ARFGEF3: variants seen among roughly 807,000 people sequenced by gnomAD.
ARFGEF3 encodes brefeldin A-inhibited guanine nucleotide-exchange protein 3.
A neutral mutation model predicts 221.7 loss-of-function variants in ARFGEF3; 96 were observed. That is an observed-to-expected ratio of 0.43 (90% confidence interval 0.37 to 0.51). The LOEUF is 0.51. Among genes scored for constraint, ARFGEF3 ranks in the 20% least tolerant of loss-of-function variants. ARFGEF3 has a pLI of 0.00. For missense variants in ARFGEF3, 2,410 were observed against 2,789.9 expected (o/e 0.86, Z 3.07); for synonymous variants, 1,145 against 1,126.8 (o/e 1.02, Z -0.32).
In ARFGEF3 at chr6:138,335,104, G is replaced by A; in HGVS notation, c.6258G>A (p.Leu2086=). ...MRHSFSAGPE[L]LRQDKRPRSG... is the part of the protein sequence containing the mutation. ...ATTCCTTCAGCGCAGGCCCCGAGCT[G>A]CTGCGACAGGACAAGAGGCCCCGCT... Residue 2086 remains leucine (L), a synonymous_variant, in exon 33 of 34, where the codon CTG becomes CTA. Coordinates refer to ENST00000251691, the MANE Select transcript of ARFGEF3 (RefSeq NM_020340.5). 1 of 1,601,598 alleles carries A rather than the reference G, an allele frequency of 6.2e-7. No individual in the cohort carries two copies. Among genetic ancestry groups the A allele is most frequent in the Non-Finnish European group, 8.5e-7 (1 of 1,175,080 alleles).
rs1255781536 is a variant in ARFGEF3, at chr6:138,337,104, A to G, written c.*618A>G. ...CATTAAGATTTTCAGGTATTCACCA[A>G]TTTCCCCATGTAAGGTACTGTGTTG... On this transcript the variant is annotated 3_prime_UTR_variant, in exon 34 of 34. Coordinates refer to ENST00000251691, the MANE Select transcript of ARFGEF3 (RefSeq NM_020340.5). The G allele has an allele frequency of 1.3e-5, 2 of 152,648 alleles. No individual in the cohort carries two copies. Among genetic ancestry groups the G allele is most frequent in the Admixed American group, 6.5e-5 (1 of 15,290 alleles). 9.5% of individuals were successfully genotyped at this position (152,648 alleles called of 1,614,324 possible).
Position 138,286,879 on chromosome 6 carries a change from C to T in ARFGEF3, c.2748C>T (p.Asp916=), listed in dbSNP as rs369991127. 215 of 1,613,418 alleles carry T rather than the reference C, an allele frequency of 1.3e-4. No homozygotes were observed. The highest frequency in any genetic ancestry group is 1.7e-4 in the Non-Finnish European group (196 of 1,179,914). The change falls in exon 16 of 34, where the codon GAC becomes GAT. Residue 916 remains aspartate, a synonymous_variant. Coordinates refer to ENST00000251691, the MANE Select transcript of ARFGEF3 (RefSeq NM_020340.5). ...GGGACGCCATCTGCATGAGCCTCGACGGGCTGCGGAAAGCCGCACGGCTGA... is the reference window on the plus strand; with the variant it reads ...GGGACGCCATCTGCATGAGCCTCGATGGGCTGCGGAAAGCCGCACGGCTGA... ...KERDAICMSL[D]GLRKAARLSC... is the part of the protein sequence containing the mutation.
rs1562343244 is a variant in ARFGEF3, at chr6:138,177,089, ATT to A, written c.137+6378_137+6379del. ...TATTTATTTATTTATTTATTTATTT[ATT>A]TATTTATATTTTTTTTGAGACACGG... On this transcript the variant is annotated intron_variant, in intron 2 of 33. Transcript: ENST00000251691. Among the ~76,000 whole-genome samples the A allele has an allele frequency of 5.6e-3, 783 of 139,030 alleles. 7 individuals carry two copies. The highest frequency in any genetic ancestry group is 0.021 in the African/African-American group (719 of 34,490). 91.2% of individuals were successfully genotyped at this position (139,030 alleles called of 152,430 possible).
intron 22 of ARFGEF3, among the ~76,000 whole-genome samples, chr6:138,303,692 C>T (rs1417113881): frequency 6.6e-6 from 1 of 151,586 alleles, no homozygotes; most frequent in African/African-American, 2.4e-5. Flanking sequence ...GTCCCAGCTA[C>T]TCGGGAAGCT....
At chr6:138,238,394 C>A in intron 5 of ARFGEF3, 115 bp from the exon 6 acceptor site, 2 of 1,093,672 alleles carry the variant, frequency 1.8e-6, no homozygotes, top group Non-Finnish European at 2.6e-6. Context: ...AGTCCTAAAT[C>A]AGGCTGACTT....
At chr6:138,307,984 C>A (rs1779757342) in intron 23 of ARFGEF3, among the ~76,000 whole-genome samples, 1 of 152,204 alleles carries the variant, frequency 6.6e-6, no homozygotes, top group Non-Finnish European at 1.5e-5. Context: ...AGAATCTATG[C>A]ACCAGCTTCC....
chr6:138,186,224 AAAT>A (rs956176297), intron 2 of ARFGEF3, among the ~76,000 whole-genome samples: 6 of 152,218 alleles, frequency 3.9e-5, no homozygotes, highest in Non-Finnish European at 8.8e-5. Context: ...TCTTCTCTGG[AAAT>A]AGGCCTTAGT....
rs141315449 is a variant in ARFGEF3 at position 138,318,346 on chromosome 6, C to G, written c.4474+967C>G. ...TTTAATCCACTTTTGTTCCTAGGAG[C>G]CTGTCATCTAAGGAAATTATCAATA... On this transcript the variant is annotated intron_variant, in intron 27 of 33. Coordinates refer to ENST00000251691, the MANE Select transcript of ARFGEF3 (RefSeq NM_020340.5). Among the ~76,000 whole-genome samples, 34 of 152,092 alleles carry G rather than the reference C, an allele frequency of 2.2e-4. 1 individual carries two copies. In the East Asian group the frequency reaches 6.2e-3, roughly 28 times the overall value.
chr6:138,188,371 G>A (rs1777232531), intron 2 of ARFGEF3, among the ~76,000 whole-genome samples: 1 of 152,162 alleles, frequency 6.6e-6, no homozygotes, highest in Non-Finnish European at 1.5e-5. Context: ...CCTCGGCTGG[G>A]ATAGTTGTCA....
At chr6:138,277,113 T>C (rs529758118) in intron 12 of ARFGEF3, among the ~76,000 whole-genome samples, 91 of 152,328 alleles carry the variant, frequency 6.0e-4, no homozygotes, top group Non-Finnish European at 1.1e-3. Context: ...CCAGAACTTT[T>C]TTAACATTCC....
chr6:138,224,453 G>C (rs1778042752), intron 4 of ARFGEF3, among the ~76,000 whole-genome samples: 1 of 152,116 alleles, frequency 6.6e-6, no homozygotes, highest in Non-Finnish European at 1.5e-5. Context: ...CACCAGTCAG[G>C]CCACCTGGAT....
intron 22 of ARFGEF3, among the ~76,000 whole-genome samples, chr6:138,302,071 T>C (rs945121280): frequency 1.3e-5 from 2 of 152,022 alleles, no homozygotes; most frequent in African/African-American, 2.4e-5. Context: ...CTCAAAAATA[T>C]GAGTGATGCA....
Position 138,263,454 on chromosome 6 carries a change from C to G in ARFGEF3, c.1971C>G (p.Ala657=), listed in dbSNP as rs747513186. ...GCCACCGGTCCCTGCGAACTGCCGC[C>G]CTGTCTCTAAAACTGCTGAAGAACC... The part of the protein sequence containing the change: ...CLGHRSLRTA[A]LSLKLLKNQE... Residue 657 remains alanine, a synonymous_variant, in exon 12 of 34, where the codon GCC becomes GCG. Transcript: ENST00000251691. 6.2e-7 allele frequency: 1 copy of G among 1,613,832 alleles called. No homozygotes were observed. Among genetic ancestry groups the G allele is most frequent in the Non-Finnish European group, 8.5e-7 (1 of 1,179,904 alleles).
chr6:138,336,359 C>G lies in ARFGEF3; in HGVS notation c.6407C>G (p.Thr2136Arg), dbSNP rs149266019. The G allele has an allele frequency of 6.4e-5, 103 of 1,611,256 alleles. No individual in the cohort carries two copies. The Admixed American group carries it at 1.6e-3, about 24-fold the overall frequency. ...QIQILPDQTFTALQPAVFPCI... is the reference protein window; with the variant it reads ...QIQILPDQTFRALQPAVFPCI... The stretch of plus-strand genomic sequence containing the variant: ...CAGATTCTCCCAGACCAGACCTTCA[C>G]GGCCCTCCAGCCCGCAGTGTTCCCG... Residue 2136 changes from threonine (T) to arginine (R), a missense_variant, in exon 34 of 34, where the codon ACG becomes AGG. Physicochemically the swap from Thr to Arg is moderately conservative, Grantham distance 71 (BLOSUM62 -1). This residue lies in a region of ARFGEF3 where 339 missense variants were observed against 334.9 expected (regional missense o/e 1.01). Transcript: ENST00000251691.
In ARFGEF3 at chr6:138,218,253, A is replaced by G. The variant is rs373451602; in HGVS notation, c.351+8212A>G. 117 of 1,611,810 alleles carry G rather than the reference A, an allele frequency of 7.3e-5. No homozygotes were observed. Among genetic ancestry groups the G allele is most frequent in the Non-Finnish European group, 9.2e-5 (109 of 1,178,860 alleles). On this transcript the variant is annotated intron_variant, in intron 4 of 33. Coordinates refer to ENST00000251691, the MANE Select transcript of ARFGEF3 (RefSeq NM_020340.5). ...TTTTTTTCGAAATACCTTGTAGCAGAATGGTAAGAGCACAGTTTCTGGAGC... is the reference window on the plus strand; with the variant it reads ...TTTTTTTCGAAATACCTTGTAGCAGGATGGTAAGAGCACAGTTTCTGGAGC...
intron 12 of ARFGEF3, among the ~76,000 whole-genome samples, chr6:138,268,494 C>T (rs62432810): frequency 6.6e-6 from 1 of 152,182 alleles, no homozygotes; most frequent in East Asian, 1.9e-4. Flanking sequence ...AATGAGCCTC[C>T]TTAATTCTAC....
rs1023844892 is a variant in ARFGEF3 at position 138,335,153 on chromosome 6, A to G, written c.6307A>G (p.Ser2103Gly). 1.9e-6 allele frequency: 3 copies of G among 1,576,120 alleles called. No individual in the cohort carries two copies. Among genetic ancestry groups the G allele is most frequent in the Non-Finnish European group, 2.6e-6 (3 of 1,166,020 alleles). ...PRSGSTGSSL[S>G]VSVRDAEAQI... ...CTCAGGCTCCACCGGGAGCTCCCTC[A>G]GTGTCTCGGTGAGAGACGCAGAAGC... Residue 2103 changes from serine to glycine, a missense_variant, in exon 33 of 34, where the codon AGT becomes GGT. Physicochemically the swap from Ser to Gly is moderately conservative, Grantham distance 56 (BLOSUM62 0). Around this residue, in one of 5 missense-constraint regions of ARFGEF3, gnomAD observed 339 missense variants for 334.9 expected, o/e 1.01. Coordinates refer to ENST00000251691, the MANE Select transcript of ARFGEF3 (RefSeq NM_020340.5).
At chr6:138,286,658 G>A in intron 15 of ARFGEF3, 43 bp from the exon 16 acceptor site, 1 of 1,559,670 alleles carries the variant, frequency 6.4e-7, no homozygotes, top group Non-Finnish European at 8.8e-7. Flanking sequence ...TTGCCAGGTT[G>A]TTTTTGTCTC....
intron 23 of ARFGEF3, among the ~76,000 whole-genome samples, 161 bp from the exon 24 acceptor site, chr6:138,308,578 T>C (rs1306152740): frequency 6.6e-6 from 1 of 152,126 alleles, no homozygotes; most frequent in Non-Finnish European, 1.5e-5. Flanking sequence ...CTGAGCACCA[T>C]GCTGGAGCCA....
Sources: allele counts gnomAD v4.1 joint callset (sites outside exome capture counted in the v4.1 genomes callset), GRCh38; gene constraint gnomAD v4.1.1; regional missense constraint gnomAD v4.1.1; transcripts MANE v1.5; gene names NCBI Gene and HGNC (gene_info 2026-07-23, HGNC 2026-07-21).